The following CPNE4 variants were observed in gnomAD, a reference collection of about 807,000 sequenced individuals.
CPNE4 encodes copine-4.
A neutral mutation model predicts 67.9 loss-of-function variants in CPNE4; 25 were observed. The observed-to-expected ratio is 0.37, with a 90% CI of 0.27 to 0.51. The LOEUF (loss-of-function observed/expected upper bound fraction) is 0.51. Among genes scored for constraint, CPNE4 ranks in the 20% least tolerant of loss-of-function variants. The pLI is 0.93. For missense variants in CPNE4, 464 were observed against 690.8 expected, an observed-to-expected ratio of 0.67 and a Z score of 3.68; for synonymous variants, 242 against 244.9, an observed-to-expected ratio of 0.99 and a Z score of 0.11.
intron 14 of CPNE4, among the ~76,000 whole-genome samples, chr3:131,546,464 C>T (rs1935843180): frequency 6.6e-6 from 1 of 152,026 alleles, no homozygotes; most frequent in Non-Finnish European, 1.5e-5. Flanking sequence ...CACAGCTTGC[C>T]AAAGATGTTC....
At chr3:132,015,359 C>T (rs9827101) in intron 1 of CPNE4, among the ~76,000 whole-genome samples, 1 of 151,880 alleles carries the variant, frequency 6.6e-6, no homozygotes, top group Non-Finnish European at 1.5e-5. Flanking sequence ...TACCAGCAGG[C>T]ATATCTTCCC....
intron 2 of CPNE4, among the ~76,000 whole-genome samples, chr3:131,826,198 C>CTT (rs71304301): frequency 1.3e-5 from 2 of 151,468 alleles, no homozygotes; most frequent in Non-Finnish European, 2.9e-5. Flanking sequence ...TTTCTTTTTT[C>CTT]TTTTTTTGTT....
At chr3:131,624,705 A>G (rs2079018817) in intron 7 of CPNE4, among the ~76,000 whole-genome samples, 1 of 152,146 alleles carries the variant, frequency 6.6e-6, no homozygotes, top group Non-Finnish European at 1.5e-5. Context: ...AACATGGAGT[A>G]ATTTTTCAGG....
At chr3:131,702,057 G>A (rs868194759) in intron 3 of CPNE4, among the ~76,000 whole-genome samples, 6 of 151,942 alleles carry the variant, frequency 3.9e-5, no homozygotes, top group Non-Finnish European at 8.8e-5. Context: ...CTCTACTAGT[G>A]CCAAATGCAA....
intron 2 of CPNE4, among the ~76,000 whole-genome samples, chr3:131,896,279 T>C (rs1045067892): frequency 1.2e-4 from 18 of 152,000 alleles, no homozygotes; most frequent in Non-Finnish European, 2.5e-4. Flanking sequence ...TATTATGAAA[T>C]GATAAAAAGG....
rs189436236 is a variant in CPNE4 at position 131,854,075 on chromosome 3, C to T, written c.180+51189G>A. The stretch of plus-strand genomic sequence containing the variant: ...CAAAAATATTTGCTCATTTAAAAAC[C>T]TGTATAAGAATCTTCATCTCAGCCT... On this transcript the variant is annotated intron_variant, in intron 2 of 15. Coordinates refer to ENST00000429747, the MANE Select transcript of CPNE4 (RefSeq NM_130808.3). Among the ~76,000 whole-genome samples, 240 of 151,886 alleles carry T rather than the reference C, an allele frequency of 1.6e-3. 1 individual carries two copies. Among genetic ancestry groups the T allele is most frequent in the Non-Finnish European group, 2.8e-3 (188 of 67,842 alleles).
chr3:132,036,162 G>A (rs1013636276), upstream of CPNE4, among the ~76,000 whole-genome samples: 1 of 152,184 alleles, frequency 6.6e-6, no homozygotes, highest in South Asian at 2.1e-4. Context: ...AAGCCTTTCT[G>A]AAATAGGATA....
At chr3:131,923,158 T>A (rs1479620182) in intron 1 of CPNE4, among the ~76,000 whole-genome samples, 1 of 152,188 alleles carries the variant, frequency 6.6e-6, no homozygotes, top group Non-Finnish European at 1.5e-5. Flanking sequence ...TACTTGAAAG[T>A]CAGAGTTTAG....
At chr3:131,909,491 T>C (rs957282149) in intron 1 of CPNE4, among the ~76,000 whole-genome samples, 6 of 152,190 alleles carry the variant, frequency 3.9e-5, no homozygotes, top group African/African-American at 1.4e-4. Flanking sequence ...ACAACAGTTT[T>C]GGTTCACATG....
chr3:131,880,413 G>A (rs927303727), intron 2 of CPNE4, among the ~76,000 whole-genome samples: 15 of 152,068 alleles, frequency 9.9e-5, no homozygotes, highest in African/African-American at 1.9e-4. Context: ...CACCCCCGGC[G>A]GCATATGGTA....
chr3:131,912,421 G>A (rs752880033), intron 1 of CPNE4, among the ~76,000 whole-genome samples: 1 of 151,792 alleles, frequency 6.6e-6, no homozygotes, highest in African/African-American at 2.4e-5. Flanking sequence ...TGCTTGCCTT[G>A]GCATTATTCA....
chr3:131,701,947 A>G (rs945292321), intron 3 of CPNE4, among the ~76,000 whole-genome samples: 2 of 152,168 alleles, frequency 1.3e-5, no homozygotes, highest in Non-Finnish European at 2.9e-5. Context: ...TATTCACAGA[A>G]AGACAGGAAA....
intron 7 of CPNE4, among the ~76,000 whole-genome samples, chr3:131,609,288 G>A (rs909137040): frequency 7.9e-5 from 12 of 152,180 alleles, no homozygotes; most frequent in Admixed American, 5.2e-4. Flanking sequence ...GAACGACATG[G>A]TTGGTTAGCT....
chr3:131,807,910 G>T (rs559570254), intron 2 of CPNE4, among the ~76,000 whole-genome samples: 1 of 151,656 alleles, frequency 6.6e-6, no homozygotes, highest in Admixed American at 6.6e-5. Flanking sequence ...ATATTTAATC[G>T]TTATTAGTTG....
chr3:131,666,461 T>C lies in CPNE4; in HGVS notation c.681+3214A>G, dbSNP rs536830460. On this transcript the variant is annotated intron_variant, in intron 7 of 15. Coordinates refer to ENST00000429747, the MANE Select transcript of CPNE4 (RefSeq NM_130808.3). ...AAAAAGAATTGTAAAATTTCAAAAT[T>C]GATTTAGGTCAAGAATTCATTCCAG... Among the ~76,000 whole-genome samples the C allele has an allele frequency of 2.0e-5, 3 of 152,184 alleles. No homozygotes were observed. The South Asian group carries it at 6.2e-4, about 32-fold the overall frequency.
chr3:131,736,509 A>G (rs1004383777), intron 2 of CPNE4, among the ~76,000 whole-genome samples: 4 of 150,514 alleles, frequency 2.7e-5, no homozygotes, highest in Non-Finnish European at 5.9e-5. Flanking sequence ...AGTCCCAGCT[A>G]CTCGGGAGGC....
chr3:131,555,659 A>AT, intron 11 of CPNE4, 108 bp from the exon 12 acceptor site: 1 of 878,516 alleles, frequency 1.1e-6, no homozygotes, highest in East Asian at 2.6e-5. Flanking sequence ...CCATGTTGCT[A>AT]TGCCAGTGCT....
At chr3:132,010,546 T>C (rs2073732636) in intron 1 of CPNE4, among the ~76,000 whole-genome samples, 1 of 152,280 alleles carries the variant, frequency 6.6e-6, no homozygotes, top group African/African-American at 2.4e-5. Flanking sequence ...TTATTATTGT[T>C]GCTTTGCTCA....
intron 8 of CPNE4, among the ~76,000 whole-genome samples, chr3:131,582,866 G>A (rs1342058394): frequency 3.9e-5 from 6 of 152,302 alleles, no homozygotes; most frequent in Non-Finnish European, 4.4e-5. Flanking sequence ...TTGGCACCAC[G>A]TGGAGCACTA....
Sources: gnomAD v4.1 joint callset for allele counts (sites outside exome capture counted in the v4.1 genomes callset) on GRCh38, gnomAD v4.1.1 for gene constraint, MANE v1.5 for transcripts, NCBI Gene and HGNC (gene_info 2026-07-23, HGNC 2026-07-21) for gene names.